Variants in AASDH observed in about 807,000 individuals in gnomAD.
The protein encoded by AASDH is beta-alanine-activating enzyme.
AASDH carries 81 observed loss-of-function variants against 102.3 expected under a neutral mutation model. The ratio of observed to expected loss-of-function variants is 0.79; its 90% CI spans 0.66 to 0.95. The LOEUF (loss-of-function observed/expected upper bound fraction) is 0.95. Among genes scored for constraint, AASDH ranks in the 40% least tolerant of loss-of-function variants. The pLI, the probability that AASDH is intolerant of heterozygous loss-of-function variation, is 0.00. For missense variants in AASDH, 1,203 were observed against 1,266.2 expected, an observed-to-expected ratio of 0.95 and a Z score of 0.76; for synonymous variants, 398 against 454.0, an observed-to-expected ratio of 0.88 and a Z score of 1.57.
At chr4:56,351,247 C>T in intron 10 of AASDH, 95 bp downstream of exon 10, 3 of 742,744 alleles carry the variant, frequency 4.0e-6, no homozygotes, top group Non-Finnish European at 6.6e-6. Flanking sequence ...ATAACATTCT[C>T]AGAAAATTTT....
chr4:56,345,881 T>C (rs75030769), intron 11 of AASDH, among the ~76,000 whole-genome samples: 1 of 152,370 alleles, frequency 6.6e-6, no homozygotes, highest in East Asian at 1.9e-4. Context: ...AGTACTATTA[T>C]AACCACATTT....
At chr4:56,377,804 TTTTTG>T (rs879885977) in intron 4 of AASDH, among the ~76,000 whole-genome samples, 5 of 152,164 alleles carry the variant, frequency 3.3e-5, no homozygotes, top group South Asian at 2.1e-4. Flanking sequence ...AATACAAGGT[TTTTTG>T]TTTTGTTTTG....
At chr4:56,340,803 T>C (rs566972775) in intron 14 of AASDH, among the ~76,000 whole-genome samples, 1 of 152,204 alleles carries the variant, frequency 6.6e-6, no homozygotes, top group East Asian at 1.9e-4. Context: ...ATATAGAATA[T>C]GAGGAACTCA....
At chr4:56,350,647 T>A (rs1238727039) in intron 10 of AASDH, among the ~76,000 whole-genome samples, 1 of 151,964 alleles carries the variant, frequency 6.6e-6, no homozygotes, top group Non-Finnish European at 1.5e-5. Flanking sequence ...GACAAAAACA[T>A]CTGATTTATT....
At chr4:56,356,618 C>A in intron 5 of AASDH, 1 of 705,922 alleles carries the variant, frequency 1.4e-6, no homozygotes, top group Non-Finnish European at 2.6e-6. Flanking sequence ...CACGTGGCTC[C>A]CATCGAGTTG....
chr4:56,382,196 C>T, intron 3 of AASDH: 1 of 302,226 alleles, frequency 3.3e-6, no homozygotes, highest in South Asian at 3.7e-5. Context: ...GGTGGAGAGC[C>T]CCTCTGGGGG....
At chr4:56,341,788 G>T (rs1226845552) in intron 14 of AASDH, among the ~76,000 whole-genome samples, 1 of 152,022 alleles carries the variant, frequency 6.6e-6, no homozygotes, top group African/African-American at 2.4e-5. Context: ...AGCTAAAAAA[G>T]TTGATCTCAG....
At chr4:56,373,979 G>C (rs1329036870) in intron 4 of AASDH, among the ~76,000 whole-genome samples, 2 of 152,104 alleles carry the variant, frequency 1.3e-5, no homozygotes, top group African/African-American at 2.4e-5. Flanking sequence ...GCTTAGGCTG[G>C]GTATCTAATA....
At chr4:56,374,873 T>C (rs1259887067) in intron 4 of AASDH, among the ~76,000 whole-genome samples, 1 of 152,114 alleles carries the variant, frequency 6.6e-6, no homozygotes, top group African/African-American at 2.4e-5. Flanking sequence ...TTATGCAAAG[T>C]CAAACAAATC....
At chr4:56,357,512 A>C (rs1291781478) in intron 5 of AASDH, among the ~76,000 whole-genome samples, 2 of 152,002 alleles carry the variant, frequency 1.3e-5, no homozygotes, top group Non-Finnish European at 2.9e-5. Flanking sequence ...TATCACTCCC[A>C]AAACTACCTG....
chr4:56,355,013 A>G (rs2109897388), intron 6 of AASDH, among the ~76,000 whole-genome samples, 169 bp downstream of exon 6: 1 of 152,356 alleles, frequency 6.6e-6, no homozygotes, highest in East Asian at 1.9e-4. Flanking sequence ...TTGCAGCAGT[A>G]TCTTGGCACC....
At chr4:56,381,003 C>T (rs895790027) in intron 3 of AASDH, among the ~76,000 whole-genome samples, 1 of 152,190 alleles carries the variant, frequency 6.6e-6, no homozygotes, top group African/African-American at 2.4e-5. Context: ...CTTACACCAT[C>T]ATCAAAATCA....
At chr4:56,362,691 C>A (rs775515208) in intron 5 of AASDH, among the ~76,000 whole-genome samples, 1 of 152,138 alleles carries the variant, frequency 6.6e-6, no homozygotes, top group African/African-American at 2.4e-5. Context: ...AAGCAAAAAT[C>A]CTTGATGACT....
chr4:56,345,069 G>GT, intron 12 of AASDH, 58 bp downstream of exon 12: 1 of 1,572,956 alleles, frequency 6.4e-7, no homozygotes, highest in Middle Eastern at 1.7e-4. Flanking sequence ...AGCCTCTGGA[G>GT]TAACTACCAT....
intron 11 of AASDH, among the ~76,000 whole-genome samples, chr4:56,347,349 T>C (rs1297671496): frequency 2.0e-5 from 3 of 152,138 alleles, no homozygotes; most frequent in Non-Finnish European, 2.9e-5. Flanking sequence ...AAGAATCACA[T>C]TCAGATTCAA....
At chr4:56,350,147 T>C (rs1378871612) in intron 10 of AASDH, 89 bp from the exon 11 acceptor site, 5 of 1,063,710 alleles carry the variant, frequency 4.7e-6, no homozygotes, top group Non-Finnish European at 6.6e-6. Flanking sequence ...GAGATGAGAG[T>C]ACCTACATTA....
Position 56,359,846 on chromosome 4 carries a change from C to T in AASDH, c.862-4423G>A, listed in dbSNP as rs943104919. ...TGCTAGGATTACAGGTGTGAGCCACCGTGCCCGGCCGATGTTCTCCTTTTT... is the reference window on the plus strand; with the variant it reads ...TGCTAGGATTACAGGTGTGAGCCACTGTGCCCGGCCGATGTTCTCCTTTTT... On this transcript the variant is annotated intron_variant, in intron 5 of 14. Transcript: ENST00000205214. Among the ~76,000 whole-genome samples the T allele has an allele frequency of 1.6e-4, 24 of 152,104 alleles. 1 individual carries two copies. The highest frequency in any genetic ancestry group is 1.4e-3 in the Admixed American group (21 of 15,268).
intron 14 of AASDH, 104 bp from the exon 15 acceptor site, chr4:56,338,895 A>ATT: frequency 8.7e-7 from 1 of 1,144,184 alleles, no homozygotes; most frequent in African/African-American, 1.6e-5. Flanking sequence ...GATATAGGCT[A>ATT]TTTGAATGGT....
intron 4 of AASDH, among the ~76,000 whole-genome samples, chr4:56,374,372 A>AAAAAAAT (rs1752111222): frequency 9.7e-6 from 1 of 103,408 alleles, no homozygotes; most frequent in African/African-American, 3.9e-5. Context: ...TGTCTCAGAA[A>AAAAAAAT]AAAAAAAAAA....
Sources: allele counts gnomAD v4.1 joint callset (sites outside exome capture counted in the v4.1 genomes callset), GRCh38; gene constraint gnomAD v4.1.1; transcripts MANE v1.5; gene names NCBI Gene and HGNC (gene_info 2026-07-23, HGNC 2026-07-21).